Variants in RAI1 observed in about 807,000 individuals in gnomAD.
RAI1 encodes the protein retinoic acid induced 1.
RAI1 carries 9 observed loss-of-function variants against 123.8 expected under a neutral mutation model. The observed-to-expected ratio is 0.07, with a 90% confidence interval of 0.04 to 0.13. RAI1 has a LOEUF of 0.13. RAI1 is among the 10% of genes least tolerant of loss of function. The probability of loss-of-function intolerance (pLI) is 1.00; values close to 1 mark genes in which losing one functional copy is unlikely to be tolerated. For missense variants in RAI1, 2,256 were observed against 2,545.8 expected (o/e 0.89, Z 2.45); for synonymous variants, 1,231 against 1,127.3 (o/e 1.09, Z -1.84).
intron 1 of RAI1, among the ~76,000 whole-genome samples, chr17:17,721,483 T>C (rs1041464498): frequency 7.2e-5 from 11 of 152,072 alleles, no homozygotes; most frequent in Non-Finnish European, 1.3e-4. Context: ...AGAGTGTGCC[T>C]GCTGAATTCA....
At chr17:17,736,394 T>C (rs550727854) in intron 2 of RAI1, among the ~76,000 whole-genome samples, 2 of 152,336 alleles carry the variant, frequency 1.3e-5, no homozygotes, top group Admixed American at 1.3e-4. Context: ...ACTTTGTCCT[T>C]GCTCTGGGAT....
At position 17,798,391 on chromosome 17, in the gene RAI1, C is replaced by G. The variant is rs1427880966; in HGVS notation, c.5443C>G (p.Pro1815Ala). The G allele has an allele frequency of 3.7e-6, 6 of 1,610,016 alleles. No individual in the cohort carries two copies. Among genetic ancestry groups the G allele is most frequent in the East Asian group, 2.2e-5 (1 of 44,788 alleles). Residue 1815 changes from proline to alanine, a missense_variant, in exon 3 of 6, where the codon CCC becomes GCC. This residue lies in a region of RAI1 where 243 missense variants were observed against 316.6 expected (regional missense o/e 0.77). Transcript: ENST00000353383. ...GTGCAGCAAGGAGGCTCCGGCAGAG[C>G]CCGGCGGGGAGGCCCAGGAGCACTG... ...HECSKEAPAE[P>A]GGEAQEHWVH...
Position 17,793,402 on chromosome 17 carries a change from C to A in RAI1, c.454C>A (p.Pro152Thr), listed in dbSNP as rs755899326. 5.8e-5 allele frequency: 94 copies of A among 1,613,558 alleles called. No homozygotes were observed. In the East Asian group the frequency reaches 2.0e-3, roughly 35 times the overall value. Residue 152 changes from proline (P) to threonine (T), a missense_variant, in exon 3 of 6, where the codon CCC (proline) becomes ACC (threonine). Coordinates refer to ENST00000353383, the MANE Select transcript of RAI1 (RefSeq NM_030665.4). ...DENLMKKTAV[P>T]PSRQYAEQGA... ...GAACTTGATGAAAAAGACAGCAGTG[C>A]CCCCCAGCAGGCAGTATGCAGAGCA...
chr17:17,801,150 C>T lies in RAI1; in HGVS notation c.5566-2606C>T, dbSNP rs1309364592. 3.9e-5 allele frequency among the ~76,000 whole-genome samples: 6 copies of T among 152,314 alleles called. No homozygotes were observed. The highest frequency in any genetic ancestry group is 3.9e-4 in the East Asian group (2 of 5,180). On this transcript the variant is annotated intron_variant, in intron 3 of 5. Transcript: ENST00000353383. The surrounding 1 kb of genome is among the most constrained non-coding windows in gnomAD (Gnocchi z 4.1). Reference sequence around the variant, plus strand: ...GATGGCCTTTTCTGGGAACTGCCCTCGCCTGCTATCTCTGAGCCCTGCCTG... The same window carrying T: ...GATGGCCTTTTCTGGGAACTGCCCTTGCCTGCTATCTCTGAGCCCTGCCTG...
intron 2 of RAI1, among the ~76,000 whole-genome samples, chr17:17,784,668 G>T (rs1449554336): frequency 2.0e-5 from 3 of 152,308 alleles, no homozygotes; most frequent in Admixed American, 2.0e-4. Flanking sequence ...CCCCTATGCC[G>T]TTTGGGTGGC....
At chr17:17,738,757 C>T (rs1916521819) in intron 2 of RAI1, among the ~76,000 whole-genome samples, 7 of 152,174 alleles carry the variant, frequency 4.6e-5, no homozygotes. Flanking sequence ...TGCAGAGGGC[C>T]AGAGAGTCTA....
chr17:17,797,272 C>G lies in RAI1; in HGVS notation c.4324C>G (p.Leu1442Val). 6.2e-7 allele frequency: 1 copy of G among 1,613,122 alleles called. No homozygotes were observed. ...GGCCCTGCAGCCTGGGGGGACTGCC[C>G]TGGCGCCTAAGAAGAGGAGCCGGAA... ...PEALQPGGTALAPKKRSRKGR... is the reference protein window; with the variant it reads ...PEALQPGGTAVAPKKRSRKGR... The change falls in exon 3 of 6, where the codon CTG becomes GTG. Residue 1442 changes from leucine (L) to valine (V), a missense_variant. Coordinates refer to ENST00000353383, the MANE Select transcript of RAI1 (RefSeq NM_030665.4).
intron 1 of RAI1, among the ~76,000 whole-genome samples, chr17:17,709,370 C>A (rs1339881525): frequency 6.6e-6 from 1 of 152,124 alleles, no homozygotes; most frequent in Non-Finnish European, 1.5e-5. Context: ...TTTGGTCTCA[C>A]CTCTACTCAG....
At chr17:17,785,751 T>C (rs2031805952) in intron 2 of RAI1, among the ~76,000 whole-genome samples, 1 of 152,106 alleles carries the variant, frequency 6.6e-6, no homozygotes, top group South Asian at 2.1e-4. Flanking sequence ...CACTCGCCTT[T>C]CTGCTCTCCT....
At chr17:17,759,653 G>A (rs896033488) in intron 2 of RAI1, among the ~76,000 whole-genome samples, 1 of 152,204 alleles carries the variant, frequency 6.6e-6, no homozygotes, top group Non-Finnish European at 1.5e-5. Context: ...ATTTCGGGGT[G>A]AGGTTTGCCA....
rs975189549 is a variant in RAI1, at chr17:17,699,881, T to C, written c.-149+18088T>C. On this transcript the variant is annotated intron_variant, in intron 1 of 5. Coordinates refer to ENST00000353383, the MANE Select transcript of RAI1 (RefSeq NM_030665.4). ...ACATGATAGTGTGGCTTCCTAGTTA[T>C]GAGCCCAGCCTCAGGAGCCAGACTG... Among the ~76,000 whole-genome samples the C allele has an allele frequency of 2.9e-4, 44 of 152,306 alleles. No homozygotes were observed. In the Middle Eastern group the frequency reaches 0.017, roughly 59 times the overall value.
Position 17,714,036 on chromosome 17 carries a change from C to T in RAI1, c.-148-9992C>T, listed in dbSNP as rs1252103165. 1.3e-5 allele frequency among the ~76,000 whole-genome samples: 2 copies of T among 152,126 alleles called. No homozygotes were observed. The highest frequency in any genetic ancestry group is 2.9e-5 in the Non-Finnish European group (2 of 68,034). On this transcript the variant is annotated intron_variant, in intron 1 of 5. Transcript: ENST00000353383. This position sits in a 1 kb window ranked among gnomAD's most constrained non-coding sequence, Gnocchi z 4.9. ...GAGAGTGTCCCAGCCGCCCACGATGCCTCCACCCAGAGGCTGCCCTGTTCT... is the reference window on the plus strand; with the variant it reads ...GAGAGTGTCCCAGCCGCCCACGATGTCTCCACCCAGAGGCTGCCCTGTTCT...
intron 2 of RAI1, chr17:17,782,338 T>G (rs956188360): frequency 6.6e-6 from 1 of 151,970 alleles, no homozygotes; most frequent in Non-Finnish European, 1.5e-5. Context: ...GCGCGCGCTC[T>G]CTCGCCTCGT....
chr17:17,698,801 C>T (rs947700055), intron 1 of RAI1, among the ~76,000 whole-genome samples: 2 of 152,280 alleles, frequency 1.3e-5, no homozygotes, highest in African/African-American at 4.8e-5. Context: ...TCCACCTGGT[C>T]GATATCTATG....
Position 17,714,443 on chromosome 17 carries a change from A to C in RAI1, c.-148-9585A>C, listed in dbSNP as rs1915653373. On this transcript the variant is annotated intron_variant, in intron 1 of 5. Coordinates refer to ENST00000353383, the MANE Select transcript of RAI1 (RefSeq NM_030665.4). The surrounding 1 kb of genome is among the most constrained non-coding windows in gnomAD (Gnocchi z 4.9). ...TTGGAATTTGATACTAATCCTGGAG[A>C]TTGAAAACTCAAACCTCTCCATAGG... Among the ~76,000 whole-genome samples the C allele has an allele frequency of 2.0e-5, 3 of 152,152 alleles. No homozygotes were observed. The highest frequency in any genetic ancestry group is 4.4e-5 in the Non-Finnish European group (3 of 68,026).
Position 17,797,316 on chromosome 17 carries a change from T to G in RAI1, c.4368T>G (p.His1456Gln). The change falls in exon 3 of 6, where the codon CAT (histidine) becomes CAG (glutamine). Residue 1456 changes from histidine to glutamine, a missense_variant. By Grantham distance (24) the His-to-Gln change is conservative (BLOSUM62 0). Transcript: ENST00000353383. ...GCCGGAAAGGCCGGGCAGGGGCCCA[T>G]GGACTCTCCAAAGGCCCGCTGGAGA... is the stretch of plus-strand genomic sequence containing the variant. ...KRSRKGRAGA[H>Q]GLSKGPLEKR... The G allele has an allele frequency of 6.2e-7, 1 of 1,612,372 alleles. No individual in the cohort carries two copies. The highest frequency in any genetic ancestry group is 8.5e-7 in the Non-Finnish European group (1 of 1,179,832).
Position 17,795,964 on chromosome 17 carries a change from G to C in RAI1, c.3016G>C (p.Gly1006Arg), listed in dbSNP as rs1284179623. ...KSLRSRRVHR[G>R]LPEAEDSPCR... ...CTTACGGAGCCGTCGGGTGCACCGG[G>C]GGCTGCCCGAGGCCGAGGACTCCCC... is the stretch of plus-strand genomic sequence containing the variant. Residue 1006 changes from glycine to arginine, a missense_variant, in exon 3 of 6, where the codon GGG (glycine) becomes CGG (arginine). Gly to Arg is a moderately radical substitution (Grantham distance 125). This residue lies in a region of RAI1 where 566 missense variants were observed against 616.0 expected (regional missense o/e 0.92). Coordinates refer to ENST00000353383, the MANE Select transcript of RAI1 (RefSeq NM_030665.4). This position sits in a 1 kb window ranked among gnomAD's most constrained non-coding sequence, Gnocchi z 5.9. The C allele has an allele frequency of 6.2e-7, 1 of 1,604,424 alleles. No homozygotes were observed. Among genetic ancestry groups the C allele is most frequent in the South Asian group, 1.1e-5 (1 of 90,326 alleles).
At chr17:17,804,212 G>GT (rs199512597) in intron 4 of RAI1, 3,723 of 350,802 alleles carry the variant, frequency 0.011, 146 homozygotes, top group African/African-American at 0.073. Flanking sequence ...AGGATAAATA[G>GT]GAGTTCACTC....
At chr17:17,748,852 G>A (rs904253059) in intron 2 of RAI1, among the ~76,000 whole-genome samples, 5 of 152,120 alleles carry the variant, frequency 3.3e-5, no homozygotes, top group African/African-American at 7.2e-5. Context: ...ATGTGGTCCC[G>A]CTACAAATCA....
Sources: allele counts gnomAD v4.1 joint callset (sites outside exome capture counted in the v4.1 genomes callset), GRCh38; gene constraint gnomAD v4.1.1; regional missense constraint gnomAD v4.1.1; non-coding constraint Gnocchi (gnomAD v3.1); transcripts MANE v1.5; gene names NCBI Gene and HGNC (gene_info 2026-07-23, HGNC 2026-07-21).